Variants in KCNK13 observed in about 807,000 individuals in gnomAD.
KCNK13 encodes the protein potassium channel subfamily K member 13.
A neutral mutation model predicts 23.4 loss-of-function variants in KCNK13; 12 were observed. The ratio of observed to expected loss-of-function variants is 0.51; its 90% CI spans 0.33 to 0.83. The LOEUF (loss-of-function observed/expected upper bound fraction) is 0.83. Ranked by LOEUF, KCNK13 falls within the 40% of genes least tolerant of loss-of-function variation. The pLI, the probability that KCNK13 is intolerant of heterozygous loss-of-function variation, is 0.02. For missense variants in KCNK13, 463 were observed against 556.3 expected, an observed-to-expected ratio of 0.83 and a Z score of 1.69; for synonymous variants, 231 against 229.5, an observed-to-expected ratio of 1.01 and a Z score of -0.06.
chr14:90,158,466 C>T (rs1008096295), intron 1 of KCNK13, among the ~76,000 whole-genome samples: 2 of 152,208 alleles, frequency 1.3e-5, no homozygotes, highest in African/African-American at 4.8e-5. Context: ...GACCTGTAAC[C>T]GTGGCCACCT....
rs563082552 is a variant in KCNK13, at chr14:90,170,320, T to G, written c.335-13791T>G. On this transcript the variant is annotated intron_variant, in intron 1 of 1. Coordinates refer to ENST00000282146, the MANE Select transcript of KCNK13 (RefSeq NM_022054.4). ...CCTCCACCTCCCAGGTTCAGGTGAT[T>G]CTCCTGCCTCAGCCTCCCAAGTAAC... is the stretch of plus-strand genomic sequence containing the variant. Among the ~76,000 whole-genome samples, 960 of 152,168 alleles carry G rather than the reference T, an allele frequency of 6.3e-3. 7 individuals carry two copies. Among genetic ancestry groups the G allele is most frequent in the African/African-American group, 0.022 (926 of 41,512 alleles).
chr14:90,089,256 G>A (rs890362043), intron 1 of KCNK13, among the ~76,000 whole-genome samples: 7 of 152,194 alleles, frequency 4.6e-5, no homozygotes, highest in African/African-American at 1.7e-4. Context: ...GAACGATAAG[G>A]TTCAGGCTGA....
intron 1 of KCNK13, among the ~76,000 whole-genome samples, chr14:90,084,303 T>A (rs570128508): frequency 1.3e-5 from 2 of 152,340 alleles, no homozygotes; most frequent in South Asian, 4.1e-4. Context: ...TTTATTTTGA[T>A]CCTTTAATTT....
intron 1 of KCNK13, among the ~76,000 whole-genome samples, chr14:90,067,186 T>C (rs1889019692): frequency 1.3e-5 from 2 of 152,186 alleles, no homozygotes; most frequent in African/African-American, 4.8e-5. Flanking sequence ...GGAGAATTGC[T>C]GGAACCTGGG....
intron 1 of KCNK13, among the ~76,000 whole-genome samples, chr14:90,183,326 T>C (rs1210525929): frequency 1.3e-5 from 2 of 151,550 alleles, no homozygotes; most frequent in Non-Finnish European, 2.9e-5. Context: ...AAATTTCTCA[T>C]TTCTATGTAT....
At chr14:90,153,782 G>A (rs1478613046) in intron 1 of KCNK13, among the ~76,000 whole-genome samples, 2 of 152,182 alleles carry the variant, frequency 1.3e-5, no homozygotes, top group African/African-American at 4.8e-5. Context: ...GATCTCTCTC[G>A]ACTTAGAGGC....
intron 1 of KCNK13, among the ~76,000 whole-genome samples, chr14:90,104,113 T>G (rs1336724854): frequency 6.6e-6 from 1 of 152,190 alleles, no homozygotes; most frequent in East Asian, 1.9e-4. Flanking sequence ...TACCCTTTTC[T>G]GAAAACTCAC....
chr14:90,125,720 A>G (rs1001062057), intron 1 of KCNK13, among the ~76,000 whole-genome samples: 7 of 152,232 alleles, frequency 4.6e-5, no homozygotes, highest in Middle Eastern at 3.4e-3. Flanking sequence ...TTTGAACAAC[A>G]GAATAAGTAA....
At chr14:90,074,830 G>C (rs928761116) in intron 1 of KCNK13, among the ~76,000 whole-genome samples, 2 of 152,026 alleles carry the variant, frequency 1.3e-5, no homozygotes, top group Non-Finnish European at 2.9e-5. Flanking sequence ...TTTATCACTT[G>C]CATAATTTTT....
rs1890150981 is a variant in KCNK13 at position 90,152,826 on chromosome 14, C to T, written c.335-31285C>T. 2.6e-5 allele frequency among the ~76,000 whole-genome samples: 4 copies of T among 152,282 alleles called. No individual in the cohort carries two copies. The South Asian group carries it at 8.3e-4, about 32-fold the overall frequency. On this transcript the variant is annotated intron_variant, in intron 1 of 1. Coordinates refer to ENST00000282146, the MANE Select transcript of KCNK13 (RefSeq NM_022054.4). ...AATTTTAGGATTGTTTTATAAGTAA[C>T]CTATTTTAATTGACATAGAGTCTCC...
intron 1 of KCNK13, among the ~76,000 whole-genome samples, chr14:90,131,659 C>CTAGG (rs1174648839): frequency 2.0e-5 from 3 of 152,248 alleles, no homozygotes; most frequent in African/African-American, 7.2e-5. Context: ...TCCCAAGCAG[C>CTAGG]TAGGACTATA....
At position 90,080,496 on chromosome 14, in the gene KCNK13, A is replaced by T. The variant is rs760690247; in HGVS notation, c.334+17957A>T. On this transcript the variant is annotated intron_variant, in intron 1 of 1. Transcript: ENST00000282146. ...TACATTTAAAAAATTGGAAAAAAAG[A>T]AGTATGACGCTCAGGAAAGAGGTTA... 1.8e-3 allele frequency among the ~76,000 whole-genome samples: 267 copies of T among 152,092 alleles called. 1 individual carries two copies. Among genetic ancestry groups the T allele is most frequent in the Non-Finnish European group, 4.6e-4 (31 of 67,972 alleles).
At chr14:90,144,849 G>C (rs544100142) in intron 1 of KCNK13, among the ~76,000 whole-genome samples, 58 of 152,126 alleles carry the variant, frequency 3.8e-4, no homozygotes, top group Non-Finnish European at 7.2e-4. Context: ...GAAATGGTGA[G>C]AGTGGATATC....
At chr14:90,148,720 A>G (rs1456527365) in intron 1 of KCNK13, among the ~76,000 whole-genome samples, 2 of 152,208 alleles carry the variant, frequency 1.3e-5, no homozygotes, top group Non-Finnish European at 2.9e-5. Flanking sequence ...AGGAACGCAT[A>G]TTTTATCGTA....
intron 1 of KCNK13, among the ~76,000 whole-genome samples, chr14:90,109,732 AAGGACTTGCTCTGTCACCC>A (rs1439291098): frequency 9.6e-4 from 132 of 136,964 alleles, no homozygotes; most frequent in African/African-American, 3.5e-3. Context: ...TTTTTTGAGA[AAGGACTTGCTCTGTCACCC>A]AGGCTGGAGT....
At chr14:90,159,825 T>G (rs1159063892) in intron 1 of KCNK13, among the ~76,000 whole-genome samples, 2 of 152,316 alleles carry the variant, frequency 1.3e-5, no homozygotes, top group African/African-American at 4.8e-5. Context: ...TGCTGGGGTT[T>G]AAATTCCCCC....
chr14:90,097,524 A>G (rs755547470), intron 1 of KCNK13, among the ~76,000 whole-genome samples: 5 of 152,050 alleles, frequency 3.3e-5, no homozygotes, highest in Non-Finnish European at 7.4e-5. Flanking sequence ...ACCTTCCACC[A>G]CCACCACATT....
chr14:90,114,402 G>A (rs952934702), intron 1 of KCNK13, among the ~76,000 whole-genome samples: 5 of 152,042 alleles, frequency 3.3e-5, no homozygotes, highest in East Asian at 1.9e-4. Context: ...GTTGACACCC[G>A]CAGAGATTCT....
At position 90,098,715 on chromosome 14, in the gene KCNK13, C is replaced by G. The variant is rs1329483804; in HGVS notation, c.334+36176C>G. 2.0e-5 allele frequency among the ~76,000 whole-genome samples: 3 copies of G among 151,704 alleles called. No homozygotes were observed. The South Asian group carries it at 6.2e-4, about 31-fold the overall frequency. ...GAATTGTCCCCCTTAATTGATTTCT[C>G]TCTCATTACCAAGGAGTACTAGGAT... On this transcript the variant is annotated intron_variant, in intron 1 of 1. Transcript: ENST00000282146.
Sources: gnomAD v4.1 joint callset for allele counts (sites outside exome capture counted in the v4.1 genomes callset) on GRCh38, gnomAD v4.1.1 for gene constraint, MANE v1.5 for transcripts, NCBI Gene and HGNC (gene_info 2026-07-23, HGNC 2026-07-21) for gene names.